Variants in PKNOX2 observed in about 807,000 individuals in gnomAD.
The protein encoded by PKNOX2 is homeobox protein PKNOX2.
PKNOX2 carries 14 observed loss-of-function variants against 53.1 expected under a neutral mutation model. That is an observed-to-expected ratio of 0.26 (90% CI 0.17 to 0.41). The LOEUF is 0.41. PKNOX2 is among the 10% of genes least tolerant of loss of function. The pLI, the probability that PKNOX2 is intolerant of heterozygous loss-of-function variation, is 1.00. For missense variants in PKNOX2, 496 were observed against 602.8 expected (o/e 0.82, Z 1.85); for synonymous variants, 257 against 242.8 (o/e 1.06, Z -0.54).
chr11:125,245,278 GT>G (rs1304104913), intron 2 of PKNOX2, among the ~76,000 whole-genome samples: 1 of 152,182 alleles, frequency 6.6e-6, no homozygotes, highest in East Asian at 1.9e-4. Context: ...TCAGAGAATA[GT>G]TTCTGCTGTG....
intron 3 of PKNOX2, among the ~76,000 whole-genome samples, chr11:125,350,119 G>A (rs1159769537): frequency 6.6e-6 from 1 of 152,192 alleles, no homozygotes; most frequent in Admixed American, 6.5e-5. Flanking sequence ...GAGGCTCTTA[G>A]CAACCTCCTA....
chr11:125,266,067 C>T (rs996678105), intron 2 of PKNOX2, among the ~76,000 whole-genome samples: 2 of 152,212 alleles, frequency 1.3e-5, no homozygotes, highest in East Asian at 1.9e-4. Context: ...CCTATGCACA[C>T]TTACCAAATT....
chr11:125,196,984 C>T (rs1003486521), intron 1 of PKNOX2, among the ~76,000 whole-genome samples: 4 of 152,180 alleles, frequency 2.6e-5, no homozygotes, highest in Admixed American at 6.5e-5. Flanking sequence ...AAGCCGTAAG[C>T]GATGTGGCTA....
intron 1 of PKNOX2, among the ~76,000 whole-genome samples, chr11:125,211,702 G>A (rs1041895122): frequency 5.9e-5 from 9 of 152,022 alleles, no homozygotes; most frequent in East Asian, 1.9e-4. Context: ...CCGGCTGCTC[G>A]GGAGAGAGCT....
chr11:125,232,413 C>T (rs1024514662), intron 1 of PKNOX2, among the ~76,000 whole-genome samples: 12 of 152,212 alleles, frequency 7.9e-5, no homozygotes, highest in Non-Finnish European at 1.5e-4. Flanking sequence ...TTAAGTCATT[C>T]ATCCTCACCA....
At chr11:125,238,503 G>A (rs1476194567) in intron 2 of PKNOX2, among the ~76,000 whole-genome samples, 1 of 152,160 alleles carries the variant, frequency 6.6e-6, no homozygotes, top group Admixed American at 6.5e-5. Flanking sequence ...TAACAGAATT[G>A]AAATTCAACT....
chr11:125,201,372 T>C (rs1427983431), intron 1 of PKNOX2, among the ~76,000 whole-genome samples: 1 of 115,182 alleles, frequency 8.7e-6, no homozygotes, highest in Non-Finnish European at 1.9e-5. Flanking sequence ...AGATATTGCT[T>C]TCTTCCTTGG....
In PKNOX2 at chr11:125,342,179, T is replaced by C. The variant is rs2433224; in HGVS notation, c.-22-9105T>C. Among the ~76,000 whole-genome samples, 4 of 151,772 alleles carry C rather than the reference T, an allele frequency of 2.6e-5. No individual in the cohort carries two copies. The South Asian group carries it at 6.2e-4, about 24-fold the overall frequency. Reference sequence around the variant, plus strand: ...CTGACTCTTGACTTTTTTTTTTTTTTCCTAAAGGCAAGTTTTAAAATTTGG... The same window carrying C: ...CTGACTCTTGACTTTTTTTTTTTTTCCCTAAAGGCAAGTTTTAAAATTTGG... On this transcript the variant is annotated intron_variant, in intron 3 of 12. Coordinates refer to ENST00000298282, the MANE Select transcript of PKNOX2 (RefSeq NM_001382323.2).
rs537342477 is a variant in PKNOX2, at chr11:125,210,741, C to T, written c.-200-24304C>T. On this transcript the variant is annotated intron_variant, in intron 1 of 12. Transcript: ENST00000298282. ...AGACGAGTTGTCACCCTCACTGTCC[C>T]GCCTCCTACTTCTGGGAAAGTGCAG... Among the ~76,000 whole-genome samples, 405 of 152,120 alleles carry T rather than the reference C, an allele frequency of 2.7e-3. 6 individuals are homozygous for T. The highest frequency in any genetic ancestry group is 0.014 in the Middle Eastern group (4 of 294).
chr11:125,385,152 T>A (rs1224779202), intron 5 of PKNOX2, among the ~76,000 whole-genome samples: 1 of 152,202 alleles, frequency 6.6e-6, no homozygotes, highest in Non-Finnish European at 1.5e-5. Context: ...ATCTATGACC[T>A]ACCACGAATG....
intron 3 of PKNOX2, among the ~76,000 whole-genome samples, chr11:125,337,980 C>G (rs191871577): frequency 3.0e-4 from 45 of 152,324 alleles, no homozygotes; most frequent in African/African-American, 9.4e-4. Context: ...GGAGTTCCCA[C>G]TGCTTCCAGA....
Position 125,410,187 on chromosome 11 carries a change from C to G in PKNOX2, c.589-9C>G, listed in dbSNP as rs756437048. On this transcript the variant is annotated splice_polypyrimidine_tract_variant and intron_variant, in intron 7 of 12. Coordinates refer to ENST00000298282, the MANE Select transcript of PKNOX2 (RefSeq NM_001382323.2). ...TCATTGTCACAAACCACGCCTCCCT[C>G]ACTGCCAGGACCTCCTGCAGAATTC... 7 of 1,613,578 alleles carry G rather than the reference C, an allele frequency of 4.3e-6. No individual in the cohort carries two copies. The highest frequency in any genetic ancestry group is 1.7e-5 in the Admixed American group (1 of 59,996).
intron 2 of PKNOX2, among the ~76,000 whole-genome samples, chr11:125,262,225 G>A (rs1192012457): frequency 6.6e-6 from 1 of 152,124 alleles, no homozygotes; most frequent in Non-Finnish European, 1.5e-5. Flanking sequence ...GCGGTGGGGG[G>A]GTGGTTCTTT....
At chr11:125,280,605 C>G (rs1352027055) in intron 2 of PKNOX2, among the ~76,000 whole-genome samples, 2 of 152,170 alleles carry the variant, frequency 1.3e-5, no homozygotes, top group Non-Finnish European at 2.9e-5. Context: ...CCAGGAAACC[C>G]TTACTGGGTT....
intron 1 of PKNOX2, among the ~76,000 whole-genome samples, chr11:125,224,158 A>G (rs983364650): frequency 6.6e-6 from 1 of 152,222 alleles, no homozygotes; most frequent in African/African-American, 2.4e-5. Flanking sequence ...CTGCAGCCCA[A>G]CAGAGGGTTC....
intron 2 of PKNOX2, among the ~76,000 whole-genome samples, chr11:125,297,452 T>C (rs1379467723): frequency 1.3e-5 from 2 of 152,218 alleles, no homozygotes. Flanking sequence ...CCATGTGCGG[T>C]ATACTAGAAG....
chr11:125,220,933 T>C (rs1941078337), intron 1 of PKNOX2, among the ~76,000 whole-genome samples: 1 of 152,052 alleles, frequency 6.6e-6, no homozygotes, highest in Non-Finnish European at 1.5e-5. Flanking sequence ...CCCAGCACTT[T>C]GAGAGGCCGA....
chr11:125,375,047 C>G (rs904498792), intron 5 of PKNOX2, among the ~76,000 whole-genome samples: 1 of 152,164 alleles, frequency 6.6e-6, no homozygotes, highest in Admixed American at 6.5e-5. Context: ...TGTCTTTTAA[C>G]CATAGTGCCA....
At chr11:125,381,907 C>T (rs559982404) in intron 5 of PKNOX2, among the ~76,000 whole-genome samples, 15 of 152,336 alleles carry the variant, frequency 9.8e-5, no homozygotes, top group Non-Finnish European at 4.4e-5. Flanking sequence ...GTCACCTCCG[C>T]AGAGAGGCTC....
Sources: allele counts gnomAD v4.1 joint callset (sites outside exome capture counted in the v4.1 genomes callset), GRCh38; gene constraint gnomAD v4.1.1; transcripts MANE v1.5; gene names NCBI Gene and HGNC (gene_info 2026-07-23, HGNC 2026-07-21).